The following CYP46A1 variants were observed in gnomAD, a reference collection of about 807,000 sequenced individuals.
CYP46A1 encodes the protein cytochrome P450 family 46 subfamily A member 1.
In CYP46A1, 20 loss-of-function variants were observed where a neutral mutation model predicts 63.3. The ratio of observed to expected loss-of-function variants is 0.32; its 90% CI spans 0.22 to 0.46. The LOEUF is 0.46. CYP46A1 is among the 20% of genes least tolerant of loss of function. The pLI is 1.00. For synonymous variants in CYP46A1, 268 were observed against 273.6 expected, an observed-to-expected ratio of 0.98 and a Z score of 0.20; for missense variants, 445 against 670.8, an observed-to-expected ratio of 0.66 and a Z score of 3.72.
rs76677434 is a variant in CYP46A1 at position 99,725,729 on chromosome 14, G to A, written c.1265+250G>A. Among the ~76,000 whole-genome samples, 2,319 of 152,290 alleles carry A rather than the reference G, an allele frequency of 0.015. 31 individuals are homozygous for A. Among genetic ancestry groups the A allele is most frequent in the Non-Finnish European group, 0.027 (1,848 of 68,020 alleles). On this transcript the variant is annotated intron_variant, in intron 13 of 14. Coordinates refer to ENST00000261835, the MANE Select transcript of CYP46A1 (RefSeq NM_006668.2). The surrounding 1 kb of genome is among the most constrained non-coding windows in gnomAD (Gnocchi z 4.2). Reference sequence around the variant, plus strand: ...AGCAGCACCAAATACTGGGAAGCTGGGTGACTTCACCTCCCCAAGCCTTGA... The same window carrying A: ...AGCAGCACCAAATACTGGGAAGCTGAGTGACTTCACCTCCCCAAGCCTTGA...
chr14:99,718,747 C>G (rs1046565138), intron 10 of CYP46A1, among the ~76,000 whole-genome samples: 4 of 151,968 alleles, frequency 2.6e-5, no homozygotes, highest in Non-Finnish European at 5.9e-5. Context: ...TGGGGTCAGG[C>G]CTTCAATTAC....
chr14:99,695,374 GC>G, intron 3 of CYP46A1: 1 of 375,990 alleles, frequency 2.7e-6, no homozygotes, highest in Non-Finnish European at 5.3e-6. Flanking sequence ...TCTAGTGGTT[GC>G]AGGGCAAGGA....
At chr14:99,702,334 T>C (rs1043729997) in intron 5 of CYP46A1, among the ~76,000 whole-genome samples, 20 of 152,200 alleles carry the variant, frequency 1.3e-4, no homozygotes, top group African/African-American at 4.8e-4. Flanking sequence ...ATATACCACA[T>C]ATTGTTTACC....
intron 7 of CYP46A1, chr14:99,708,008 T>C: frequency 3.2e-6 from 1 of 308,464 alleles, no homozygotes. Flanking sequence ...CATCACCTCA[T>C]TGTCATAAGA....
chr14:99,702,765 C>A (rs559025267), intron 5 of CYP46A1, among the ~76,000 whole-genome samples: 29 of 152,122 alleles, frequency 1.9e-4, no homozygotes, highest in Non-Finnish European at 3.8e-4. Context: ...TTGTGCTCCC[C>A]ACCTTTAAAT....
intron 5 of CYP46A1, among the ~76,000 whole-genome samples, chr14:99,702,914 A>C (rs2056644553): frequency 6.6e-6 from 1 of 152,154 alleles, no homozygotes; most frequent in African/African-American, 2.4e-5. Context: ...CTTTGTCTAA[A>C]ATCTAATCCA....
At position 99,722,122 on chromosome 14, in the gene CYP46A1, G is replaced by A. The variant is rs2056853386; in HGVS notation, c.1176+56G>A. The A allele has an allele frequency of 1.5e-6, 2 of 1,360,974 alleles. No individual in the cohort carries two copies. The highest frequency in any genetic ancestry group is 1.4e-5 in the African/African-American group (1 of 70,010). The allele number at this position is 1,360,974 out of a possible 1,614,324, so 84.3% of individuals were successfully genotyped here. A position where few individuals can be genotyped will look rare whatever the true frequency, so the allele number is the denominator to read the frequency against. ...GGCTGGGCTGCTTGCCCCAATGGTGGTGAATTTGGGACTCACCAGGGGAGC... is the reference window on the plus strand; with the variant it reads ...GGCTGGGCTGCTTGCCCCAATGGTGATGAATTTGGGACTCACCAGGGGAGC... On this transcript the variant is annotated intron_variant, in intron 12 of 14. Transcript: ENST00000261835. This position sits in a 1 kb window ranked among gnomAD's most constrained non-coding sequence, Gnocchi z 4.6.
intron 7 of CYP46A1, among the ~76,000 whole-genome samples, chr14:99,715,537 G>A (rs2056780498): frequency 6.6e-6 from 1 of 152,068 alleles, no homozygotes; most frequent in Admixed American, 6.5e-5. Context: ...ACTCATCAGG[G>A]GTCCCTTTTT....
At chr14:99,688,384 G>T (rs1281296013) in intron 1 of CYP46A1, among the ~76,000 whole-genome samples, 2 of 151,702 alleles carry the variant, frequency 1.3e-5, no homozygotes, top group South Asian at 2.1e-4. Flanking sequence ...CCCTCCATCC[G>T]CACTCTCAGC....
intron 12 of CYP46A1, chr14:99,723,073 G>T: frequency 1.1e-5 from 3 of 269,150 alleles, no homozygotes; most frequent in Admixed American, 8.5e-5. Context: ...CACTTAGCAT[G>T]GTCCGATTTT....
intron 7 of CYP46A1, 72 bp from the exon 8 acceptor site, chr14:99,715,737 CG>C: frequency 1.3e-6 from 2 of 1,595,272 alleles, no homozygotes; most frequent in Non-Finnish European, 1.7e-6. Context: ...AACGTCATTT[CG>C]GGGTGGTGGG....
chr14:99,723,411 C>A (rs1001010892), intron 12 of CYP46A1, among the ~76,000 whole-genome samples: 2 of 152,214 alleles, frequency 1.3e-5, no homozygotes, highest in African/African-American at 4.8e-5. Flanking sequence ...CGGGTTCAAG[C>A]GATTCTCGTG....
At chr14:99,720,164 G>A (rs186375847) in intron 10 of CYP46A1, among the ~76,000 whole-genome samples, 5 of 152,280 alleles carry the variant, frequency 3.3e-5, no homozygotes, top group East Asian at 1.9e-4. Context: ...TGCTCCTACC[G>A]TTTGTCTATT....
chr14:99,717,096 C>G (rs148608332), intron 9 of CYP46A1, among the ~76,000 whole-genome samples: 34 of 152,270 alleles, frequency 2.2e-4, no homozygotes, highest in African/African-American at 8.2e-4. Flanking sequence ...ATAGAAAGGA[C>G]TTGCGGAACC....
intron 2 of CYP46A1, 32 bp downstream of exon 2, chr14:99,691,193 C>T (rs1351740578): frequency 1.2e-6 from 2 of 1,610,268 alleles, no homozygotes; most frequent in South Asian, 2.2e-5. Context: ...GTTGCCCTTA[C>T]TCCAGGTTCC....
At chr14:99,718,819 CT>C (rs1419990180) in intron 10 of CYP46A1, among the ~76,000 whole-genome samples, 1 of 152,070 alleles carries the variant, frequency 6.6e-6, no homozygotes, top group East Asian at 1.9e-4. Flanking sequence ...AATATACAAT[CT>C]TTCTAGGGTT....
At chr14:99,695,465 C>T (rs957529708) in intron 3 of CYP46A1, 5 of 438,486 alleles carry the variant, frequency 1.1e-5, no homozygotes, top group Non-Finnish European at 1.8e-5. Context: ...TTTTGAAGTT[C>T]TGTTATCAGG....
rs139560349 is a variant in CYP46A1 at position 99,684,723 on chromosome 14, G to T, written c.119+187G>T. The T allele has an allele frequency of 2.2e-3, 1,459 of 657,146 alleles. 8 individuals are homozygous for T. The highest frequency in any genetic ancestry group is 8.5e-3 in the Middle Eastern group (35 of 4,118). The allele number at this position is 657,146 out of a possible 1,614,324, so 40.7% of individuals were successfully genotyped here. On this transcript the variant is annotated intron_variant, in intron 1 of 14. Transcript: ENST00000261835. Reference sequence around the variant, plus strand: ...ATTACTCACAGCCGCAGCAGCTGCTGGGCGCCCACCGCGCACAGCTGGGCC... The same window carrying T: ...ATTACTCACAGCCGCAGCAGCTGCTTGGCGCCCACCGCGCACAGCTGGGCC...
At chr14:99,714,632 C>T (rs1050052320) in intron 7 of CYP46A1, among the ~76,000 whole-genome samples, 2 of 151,900 alleles carry the variant, frequency 1.3e-5, no homozygotes, top group African/African-American at 4.8e-5. Flanking sequence ...TGGTGATGGG[C>T]ACCTGTAATC....
Sources: gnomAD v4.1 joint callset for allele counts (sites outside exome capture counted in the v4.1 genomes callset) on GRCh38, gnomAD v4.1.1 for gene constraint, Gnocchi (gnomAD v3.1) non-coding constraint, MANE v1.5 for transcripts, NCBI Gene and HGNC (gene_info 2026-07-23, HGNC 2026-07-21) for gene names.